Variants in GALNT2 observed in about 807,000 individuals in gnomAD.
The protein encoded by GALNT2 is UDP-GalNAc:polypeptide N-acetylgalactosaminyltransferase 2.
GALNT2 carries 31 observed loss-of-function variants against 81.4 expected under a neutral mutation model. The ratio of observed to expected loss-of-function variants is 0.38; its 90% confidence interval spans 0.29 to 0.51. The LOEUF is 0.51. GALNT2 is among the 20% of genes least tolerant of loss of function. The pLI, the probability that GALNT2 is intolerant of heterozygous loss-of-function variation, is 0.87. For missense variants in GALNT2, 629 were observed against 765.7 expected (o/e 0.82, Z 2.11); for synonymous variants, 303 against 287.4 (o/e 1.05, Z -0.55).
chr1:230,124,399 G>A (rs113816302), intron 1 of GALNT2, among the ~76,000 whole-genome samples: 89 of 152,252 alleles, frequency 5.8e-4, no homozygotes, highest in African/African-American at 2.0e-3. Context: ...TGGACTTGTG[G>A]CAAGCTGGAA....
At chr1:230,082,854 G>A (rs139484131) in intron 1 of GALNT2, among the ~76,000 whole-genome samples, 10 of 152,326 alleles carry the variant, frequency 6.6e-5, no homozygotes, top group Non-Finnish European at 1.2e-4. Context: ...GGAGCAGGAC[G>A]ACTGGATAAT....
chr1:230,236,365 A>G lies in GALNT2; in HGVS notation c.486A>G (p.Lys162=), dbSNP rs775384037. ...TGTCTTTTCTTAGCGTGCTTAAGAAAAGCCCGCCCCATCTCATAAAAGAAA... is the reference window on the plus strand; with the variant it reads ...TGTCTTTTCTTAGCGTGCTTAAGAAGAGCCCGCCCCATCTCATAAAAGAAA... ...LLRTVVSVLK[K]SPPHLIKEII... The change falls in exon 5 of 16, where the codon AAA becomes AAG. Residue 162 remains lysine, a synonymous_variant. Transcript: ENST00000366672. 5.4e-5 allele frequency: 87 copies of G among 1,613,956 alleles called. No homozygotes were observed. Among genetic ancestry groups the G allele is most frequent in the Admixed American group, 6.7e-5 (4 of 60,004 alleles).
chr1:230,220,069 A>G (rs895335945), intron 3 of GALNT2, among the ~76,000 whole-genome samples: 2 of 152,244 alleles, frequency 1.3e-5, no homozygotes, highest in Non-Finnish European at 2.9e-5. Flanking sequence ...GCTATTAATG[A>G]CATATACACA....
At position 230,074,920 on chromosome 1, in the gene GALNT2, G is replaced by C. The variant is rs557896714; in HGVS notation, c.126+7514G>C. On this transcript the variant is annotated intron_variant, in intron 1 of 15. Transcript: ENST00000366672. Reference sequence around the variant, plus strand: ...TCTCCTCAGGGCCTCTGGAGGCAGTGGGGTTTTTCTGCAACTCCTGGCCGA... The same window carrying C: ...TCTCCTCAGGGCCTCTGGAGGCAGTCGGGTTTTTCTGCAACTCCTGGCCGA... Among the ~76,000 whole-genome samples the C allele has an allele frequency of 2.0e-5, 3 of 152,268 alleles. No individual in the cohort carries two copies. The East Asian group carries it at 5.8e-4, about 29-fold the overall frequency.
intron 1 of GALNT2, among the ~76,000 whole-genome samples, chr1:230,075,055 C>A (rs1423375456): frequency 6.9e-6 from 1 of 145,584 alleles, no homozygotes; most frequent in Non-Finnish European, 1.5e-5. Flanking sequence ...TTGGAAAGTT[C>A]CTGGAAGGCA....
chr1:230,281,262 C>G lies in GALNT2; in HGVS notation c.*1804C>G, dbSNP rs1342353170. 6.6e-6 allele frequency: 1 copy of G among 152,456 alleles called. No homozygotes were observed. The highest frequency in any genetic ancestry group is 1.5e-5 in the Non-Finnish European group (1 of 68,304). The allele number at this position is 152,456 out of a possible 1,614,324, so 9.4% of individuals were successfully genotyped here. A position where few individuals can be genotyped will look rare whatever the true frequency, so the allele number is the denominator to read the frequency against. On this transcript the variant is annotated 3_prime_UTR_variant, in exon 16 of 16. Transcript: ENST00000366672. The stretch of plus-strand genomic sequence containing the variant: ...GTGGAAGCCTGGCTGGAGGGCTGCC[C>G]TATAGGTCTTCTCTTCCCGCCTCCC...
At chr1:230,081,548 A>C (rs1217937207) in intron 1 of GALNT2, among the ~76,000 whole-genome samples, 1 of 152,208 alleles carries the variant, frequency 6.6e-6, no homozygotes, top group Non-Finnish European at 1.5e-5. Flanking sequence ...TCATTAGTTC[A>C]GTTTCTGGCT....
chr1:230,214,629 A>G (rs1664334004), intron 3 of GALNT2, among the ~76,000 whole-genome samples: 1 of 152,052 alleles, frequency 6.6e-6, no homozygotes, highest in South Asian at 2.1e-4. Flanking sequence ...TAATATGCCT[A>G]GCAGTTGTTT....
intron 10 of GALNT2, among the ~76,000 whole-genome samples, chr1:230,253,873 T>C (rs1276296014): frequency 6.6e-6 from 1 of 152,192 alleles, no homozygotes; most frequent in African/African-American, 2.4e-5. Flanking sequence ...TTTACTTCTA[T>C]GAGATCAGTG....
At chr1:230,153,855 G>A (rs1012455060) in intron 1 of GALNT2, among the ~76,000 whole-genome samples, 1 of 152,228 alleles carries the variant, frequency 6.6e-6, no homozygotes, top group East Asian at 1.9e-4. Flanking sequence ...GAGGGGTCTG[G>A]TGGAACTGAT....
chr1:230,276,236 C>T (rs796576907), intron 15 of GALNT2, among the ~76,000 whole-genome samples: 9 of 152,112 alleles, frequency 5.9e-5, no homozygotes, highest in African/African-American at 2.2e-4. Flanking sequence ...CCTTGTAAGC[C>T]GGTTTTCTCT....
intron 4 of GALNT2, 99 bp from the exon 5 acceptor site, chr1:230,236,253 CA>C: frequency 7.2e-7 from 1 of 1,393,826 alleles, no homozygotes; most frequent in Non-Finnish European, 1.0e-6. Flanking sequence ...GTAGCTCCTC[CA>C]ACCAAGGGTT....
chr1:230,133,644 G>A (rs1314963689), intron 1 of GALNT2, among the ~76,000 whole-genome samples: 1 of 152,064 alleles, frequency 6.6e-6, no homozygotes, highest in Non-Finnish European at 1.5e-5. Flanking sequence ...TGGTAGAGAT[G>A]AGGTTTCTCC....
chr1:230,060,891 T>G (rs1659030849), intron 1 of GALNT2, among the ~76,000 whole-genome samples: 1 of 152,240 alleles, frequency 6.6e-6, no homozygotes, highest in Non-Finnish European at 1.5e-5. Context: ...TATGTCCTTT[T>G]AACATTGTGC....
chr1:230,180,210 G>A (rs756478714), intron 2 of GALNT2, among the ~76,000 whole-genome samples: 3 of 151,576 alleles, frequency 2.0e-5, no homozygotes, highest in African/African-American at 2.4e-5. Flanking sequence ...GAGCCACCAC[G>A]CCTGGCCTAC....
At chr1:230,145,118 A>G (rs921188422) in intron 1 of GALNT2, among the ~76,000 whole-genome samples, 3 of 150,604 alleles carry the variant, frequency 2.0e-5, no homozygotes, top group African/African-American at 7.5e-5. Context: ...TCATCCCGTT[A>G]CACTTAGAGC....
At chr1:230,134,566 T>C (rs1484151693) in intron 1 of GALNT2, among the ~76,000 whole-genome samples, 1 of 152,190 alleles carries the variant, frequency 6.6e-6, no homozygotes, top group Non-Finnish European at 1.5e-5. Flanking sequence ...CTCCCCTCAT[T>C]CTGGGTTGGG....
chr1:230,226,777 T>C (rs2102727836), intron 3 of GALNT2, among the ~76,000 whole-genome samples: 1 of 152,394 alleles, frequency 6.6e-6, no homozygotes, highest in East Asian at 1.9e-4. Flanking sequence ...ACTGCCTGTG[T>C]TTCTCCAGCT....
At chr1:230,172,454 C>CT (rs1245518967) in intron 1 of GALNT2, among the ~76,000 whole-genome samples, 1 of 152,236 alleles carries the variant, frequency 6.6e-6, no homozygotes, top group Non-Finnish European at 1.5e-5. Context: ...CCCTCAGACA[C>CT]TGTGTGAGGT....
Sources: allele counts gnomAD v4.1 joint callset (sites outside exome capture counted in the v4.1 genomes callset), GRCh38; gene constraint gnomAD v4.1.1; transcripts MANE v1.5; gene names NCBI Gene and HGNC (gene_info 2026-07-23, HGNC 2026-07-21).